The following ZNF469 variants were observed in gnomAD, a reference collection of about 807,000 sequenced individuals.
The protein encoded by ZNF469 is zinc finger protein 469.
In ZNF469, 1 loss-of-function variant was observed where a neutral mutation model predicts 1.0. The ratio of observed to expected loss-of-function variants is 1.00; its 90% CI spans 0.35 to 4.73. The LOEUF (loss-of-function observed/expected upper bound fraction) is 4.73. Among genes scored for constraint, ZNF469 ranks in the 30% most tolerant of loss-of-function variants. The probability of loss-of-function intolerance (pLI) is 0.16; values close to 1 mark genes in which losing one functional copy is unlikely to be tolerated. For synonymous variants in ZNF469, 2,703 were observed against 2,363.4 expected, an observed-to-expected ratio of 1.14 and a Z score of -4.17; for missense variants, 6,100 against 5,356.3, an observed-to-expected ratio of 1.14 and a Z score of -4.33.
chr16:88,324,136 C>T, the ZNF469 span, among the ~76,000 whole-genome samples: 1 of 152,234 alleles, frequency 6.6e-6, no homozygotes, highest in African/African-American at 2.4e-5. Flanking sequence ...GTCAGCGCCT[C>T]CCCACGGGGC....
upstream of ZNF469, among the ~76,000 whole-genome samples, chr16:88,380,306 C>T (rs1206022889): frequency 2.0e-5 from 3 of 149,554 alleles, no homozygotes; most frequent in Non-Finnish European, 3.0e-5. Context: ...CGCACTAAAA[C>T]ACAGACATGC....
At chr16:88,235,260 C>A in the ZNF469 span, among the ~76,000 whole-genome samples, 1 of 152,232 alleles carries the variant, frequency 6.6e-6, no homozygotes, top group East Asian at 1.9e-4. Flanking sequence ...CCTCCCTGCC[C>A]ATGGAGCTCC....
chr16:88,439,232 C>A lies in ZNF469; in HGVS notation c.11762C>A (p.Thr3921Asn). 2.6e-6 allele frequency: 4 copies of A among 1,550,452 alleles called. No individual in the cohort carries two copies. The highest frequency in any genetic ancestry group is 2.6e-6 in the Non-Finnish European group (3 of 1,146,948). ...GGTGCTGAACCTGCCGAGCCACACA[C>A]CCACCGGACGGCCGAGGCCCAGAGT... Reference protein sequence around the residue: ...VHGAEPAEPHTHRTAEAQSDL... With the variant: ...VHGAEPAEPHNHRTAEAQSDL... Residue 3921 changes from threonine to asparagine, a missense_variant, in exon 3 of 3, where the codon ACC becomes AAC. Coordinates refer to ENST00000565624, the MANE Select transcript of ZNF469 (RefSeq NM_001367624.2).
the ZNF469 span, among the ~76,000 whole-genome samples, chr16:88,208,485 G>GA: frequency 7.8e-6 from 1 of 127,698 alleles, no homozygotes; most frequent in African/African-American, 3.0e-5. Flanking sequence ...AGGGAGGGAG[G>GA]GAGGGAGAGA....
At chr16:88,339,999 C>T in the ZNF469 span, among the ~76,000 whole-genome samples, 1 of 152,126 alleles carries the variant, frequency 6.6e-6, no homozygotes, top group East Asian at 1.9e-4. Context: ...AAACCTTGGT[C>T]ATCTTCTGAG....
At chr16:88,247,259 A>C in the ZNF469 span, among the ~76,000 whole-genome samples, 1 of 68,242 alleles carries the variant, frequency 1.5e-5, no homozygotes, top group Admixed American at 1.5e-4. Context: ...GTGAAGGAAC[A>C]AGTGAAAGAG....
chr16:88,162,707 G>A, the ZNF469 span, among the ~76,000 whole-genome samples: 1 of 145,444 alleles, frequency 6.9e-6, no homozygotes, highest in African/African-American at 2.5e-5. Flanking sequence ...TGGTTTGCTT[G>A]GCAGTTTCCC....
At chr16:88,269,597 C>T in the ZNF469 span, among the ~76,000 whole-genome samples, 1 of 152,208 alleles carries the variant, frequency 6.6e-6, no homozygotes, top group Admixed American at 6.5e-5. Context: ...CTGGGCTGCC[C>T]AGCTTCCTCC....
chr16:88,126,294 T>C, the ZNF469 span, among the ~76,000 whole-genome samples: 17 of 150,120 alleles, frequency 1.1e-4, no homozygotes, highest in African/African-American at 4.2e-4. Flanking sequence ...ATGCTTTTTA[T>C]TGTTTGTTTC....
At chr16:88,291,886 G>C in the ZNF469 span, among the ~76,000 whole-genome samples, 3 of 152,160 alleles carry the variant, frequency 2.0e-5, no homozygotes, top group Non-Finnish European at 2.9e-5. Context: ...GGTGCCTTCA[G>C]ACCCCTCTGT....
the ZNF469 span, among the ~76,000 whole-genome samples, chr16:88,117,248 A>G: frequency 6.6e-6 from 1 of 151,656 alleles, no homozygotes; most frequent in South Asian, 2.1e-4. Flanking sequence ...GGGACGTGTG[A>G]GAGCCGGGGA....
At chr16:88,196,824 G>A in the ZNF469 span, among the ~76,000 whole-genome samples, 3 of 152,286 alleles carry the variant, frequency 2.0e-5, no homozygotes, top group South Asian at 2.1e-4. Context: ...GCACTGTTTT[G>A]TCCGATGCCA....
chr16:88,291,079 T>A, the ZNF469 span, among the ~76,000 whole-genome samples: 1 of 152,158 alleles, frequency 6.6e-6, no homozygotes, highest in South Asian at 2.1e-4. Flanking sequence ...GCACCTCTGC[T>A]TCCCTCTGGG....
At chr16:88,258,941 C>T in the ZNF469 span, among the ~76,000 whole-genome samples, 60 of 152,274 alleles carry the variant, frequency 3.9e-4, no homozygotes, top group East Asian at 7.7e-3. Context: ...CTGCCTTGTC[C>T]GTGGGGTGGT....
the ZNF469 span, among the ~76,000 whole-genome samples, chr16:88,234,112 G>C: frequency 6.6e-6 from 1 of 152,336 alleles, no homozygotes; most frequent in African/African-American, 2.4e-5. Flanking sequence ...ACCCAGAGGA[G>C]AAGCCCTGTG....
chr16:88,247,763 G>A, the ZNF469 span, among the ~76,000 whole-genome samples: 2 of 152,062 alleles, frequency 1.3e-5, no homozygotes, highest in African/African-American at 4.8e-5. Context: ...GTCAGTGAGT[G>A]AATGAGTCAG....
At chr16:88,174,476 G>GTCTGCCTGTCTA in the ZNF469 span, among the ~76,000 whole-genome samples, 1 of 101,582 alleles carries the variant, frequency 9.8e-6, no homozygotes, top group Non-Finnish European at 1.9e-5. Context: ...CTGTCTGTCT[G>GTCTGCCTGTCTA]TCTATCTATC....
At chr16:88,260,995 C>T in the ZNF469 span, among the ~76,000 whole-genome samples, 5 of 152,146 alleles carry the variant, frequency 3.3e-5, no homozygotes, top group South Asian at 2.1e-4. This position sits in a 1 kb window ranked among gnomAD's most constrained non-coding sequence, Gnocchi z 4.1. Flanking sequence ...AGAAACACGG[C>T]GGAGAGGATC....
chr16:88,110,527 C>G, the ZNF469 span, among the ~76,000 whole-genome samples: 7,479 of 152,324 alleles, frequency 0.049, 323 homozygotes, highest in Non-Finnish European at 0.066. Flanking sequence ...TCCTCCACAC[C>G]CACATGGCGT....
Sources: gnomAD v4.1 joint callset for allele counts (sites outside exome capture counted in the v4.1 genomes callset) on GRCh38, gnomAD v4.1.1 for gene constraint, Gnocchi (gnomAD v3.1) non-coding constraint, MANE v1.5 for transcripts, NCBI Gene and HGNC (gene_info 2026-07-23, HGNC 2026-07-21) for gene names.